DNMBP: variants seen among roughly 807,000 people sequenced by gnomAD.
DNMBP encodes the protein dynamin-binding protein.
Under a neutral mutation model 150.0 loss-of-function variants are expected in DNMBP, and 87 were observed. That is an observed-to-expected ratio of 0.58 (90% CI 0.49 to 0.69). DNMBP has a LOEUF of 0.69. DNMBP is among the 30% of genes least tolerant of loss of function. The pLI is 0.00. For synonymous variants in DNMBP, 711 were observed against 750.4 expected (o/e 0.95, Z 0.86); for missense variants, 1,774 against 1,949.0 (o/e 0.91, Z 1.69).
rs377177144 is a variant in DNMBP at position 99,943,049 on chromosome 10, GA to G, written c.2260+12164del. Among the ~76,000 whole-genome samples the G allele has an allele frequency of 7.9e-4, 120 of 152,136 alleles. 1 individual carries two copies. Among genetic ancestry groups the G allele is most frequent in the African/African-American group, 2.8e-3 (118 of 41,424 alleles). On this transcript the variant is annotated intron_variant, in intron 4 of 16. Transcript: ENST00000324109. ...TGTAATCCCAGCACTTTGGGAGGCT[GA>G]GGGGGGGGCGGATCACCTGAGGTCA...
rs747265091 is a variant in DNMBP, at chr10:99,956,059, T to G, written c.1415A>C (p.Gln472Pro). 2.5e-6 allele frequency: 4 copies of G among 1,614,210 alleles called. No individual in the cohort carries two copies. In the South Asian group the frequency reaches 3.3e-5, roughly 13 times the overall value. The stretch of plus-strand genomic sequence containing the variant: ...CCTGTAAAGAGGGAGCACTGGCTTC[T>G]GAAGAGTTTTTAGCTGGGAATACAT... The part of the protein sequence containing the change: ...KRMYSQLKTL[Q>P]KPVLPLYRGS... Residue 472 changes from glutamine to proline, a missense_variant, in exon 4 of 17, where the codon CAG becomes CCG. By Grantham distance (76) the Gln-to-Pro change is moderately conservative. This residue lies in a region of DNMBP where 1,430 missense variants were observed against 1,492.5 expected (regional missense o/e 0.96). Coordinates refer to ENST00000324109, the MANE Select transcript of DNMBP (RefSeq NM_015221.4).
intron 4 of DNMBP, chr10:99,930,529 T>A (rs1403230593): frequency 1.4e-6 from 1 of 703,002 alleles, no homozygotes; most frequent in Non-Finnish European, 2.6e-6. Flanking sequence ...CCACAGTCCA[T>A]ATAGCTTGGT....
In DNMBP at chr10:99,879,926, G is replaced by A; in HGVS notation, c.4433C>T (p.Ser1478Phe). 1 of 1,614,196 alleles carries A rather than the reference G, an allele frequency of 6.2e-7. No individual in the cohort carries two copies. ...ACTTTGCCCATTTCGTCCTGGTACG[G>A]AGTAGCCAACTATTTCTGGATGCCT... ...NFRHPEIVGY[S>F]VPGRNGQSQD... is the part of the protein sequence containing the mutation. The change falls in exon 16 of 17, where the codon TCC (serine) becomes TTC (phenylalanine). Residue 1478 changes from serine (S) to phenylalanine (F), a missense_variant. By Grantham distance (155) the Ser-to-Phe change is radical. Around this residue, in one of 2 missense-constraint regions of DNMBP, gnomAD observed 1,430 missense variants for 1,492.5 expected, o/e 0.96. Transcript: ENST00000324109.
At chr10:99,981,734 C>T (rs1235661418) in intron 1 of DNMBP, among the ~76,000 whole-genome samples, 1 of 152,182 alleles carries the variant, frequency 6.6e-6, no homozygotes, top group Non-Finnish European at 1.5e-5. Flanking sequence ...TGAACAAGGC[C>T]TCCCCCATCT....
chr10:99,992,285 A>G (rs76226230), intron 1 of DNMBP, among the ~76,000 whole-genome samples: 1,835 of 149,302 alleles, frequency 0.012, 40 homozygotes, highest in African/African-American at 0.043. Context: ...CACAGACTAT[A>G]GAGCCAGACT....
At chr10:99,970,064 C>T (rs1012830848) in intron 2 of DNMBP, among the ~76,000 whole-genome samples, 1 of 152,218 alleles carries the variant, frequency 6.6e-6, no homozygotes, top group African/African-American at 2.4e-5. Flanking sequence ...CAACCACTCA[C>T]ACCTCATGCC....
rs761776283 is a variant in DNMBP at position 99,899,939 on chromosome 10, C to G, written c.2682G>C (p.Gln894His). 2.5e-6 allele frequency: 4 copies of G among 1,614,114 alleles called. No homozygotes were observed. Among genetic ancestry groups the G allele is most frequent in the Non-Finnish European group, 3.4e-6 (4 of 1,180,026 alleles). The stretch of plus-strand genomic sequence containing the variant: ...CCTACTTCAGATCTGCCAAGGAGTC[C>G]TGAAGATGCTTCTGGATCTTCTCAT... ...EKDEKIQKHLQDSLADLKSLY... is the reference protein window; with the variant it reads ...EKDEKIQKHLHDSLADLKSLY... The change falls in exon 7 of 17, where the codon CAG becomes CAC. Residue 894 changes from glutamine (Q) to histidine (H), a missense_variant. By Grantham distance (24) the Gln-to-His change is conservative. Transcript: ENST00000324109.
At chr10:99,877,433 A>C (rs1441868789) in intron 16 of DNMBP, 97 bp from the exon 17 acceptor site, 2 of 889,318 alleles carry the variant, frequency 2.2e-6, no homozygotes, top group African/African-American at 3.4e-5. Context: ...CCACATGCCC[A>C]CATGTGGCTA....
chr10:99,919,322 A>G (rs1354919144), intron 4 of DNMBP, among the ~76,000 whole-genome samples: 1 of 152,218 alleles, frequency 6.6e-6, no homozygotes, highest in Non-Finnish European at 1.5e-5. Context: ...AATTTGCTCA[A>G]CTACATAACC....
intron 10 of DNMBP, 40 bp downstream of exon 10, chr10:99,896,227 T>C (rs1000047196): frequency 3.7e-6 from 6 of 1,606,536 alleles, no homozygotes; most frequent in Non-Finnish European, 8.5e-7. Context: ...CCTGAAAAGC[T>C]GTCAAAGATG....
At position 99,880,309 on chromosome 10, in the gene DNMBP, G is replaced by T; in HGVS notation, c.4050C>A (p.Arg1350=). 6.2e-7 allele frequency: 1 copy of T among 1,612,478 alleles called. No homozygotes were observed. Residue 1350 remains arginine, a synonymous_variant, in exon 16 of 17, where the codon CGC becomes CGA. Coordinates refer to ENST00000324109, the MANE Select transcript of DNMBP (RefSeq NM_015221.4). ...SSFLKPYNPR[R]SHSDASVGSH... is the part of the protein sequence containing the mutation. ...TACCCACGGAGGCATCGGAGTGGCT[G>T]CGGCGAGGATTGTAGGGCTTTAGGA...
chr10:99,990,421 G>A (rs1240029754), intron 1 of DNMBP, among the ~76,000 whole-genome samples: 6 of 151,768 alleles, frequency 4.0e-5, no homozygotes, highest in African/African-American at 7.3e-5. Context: ...GCATGGTGGC[G>A]TGCAACCATA....
chr10:99,877,685 G>A (rs750206938), intron 16 of DNMBP, among the ~76,000 whole-genome samples: 12 of 152,064 alleles, frequency 7.9e-5, no homozygotes, highest in Admixed American at 2.6e-4. Context: ...CCAACATGGT[G>A]AAACCCCACC....
intron 5 of DNMBP, among the ~76,000 whole-genome samples, chr10:99,908,637 C>T (rs987052027): frequency 5.9e-5 from 9 of 152,186 alleles, no homozygotes; most frequent in African/African-American, 2.2e-4. Context: ...GGTTTTGTTA[C>T]ATCATCACTC....
At chr10:99,936,567 T>G (rs1227196735) in intron 4 of DNMBP, among the ~76,000 whole-genome samples, 2 of 150,942 alleles carry the variant, frequency 1.3e-5, no homozygotes, top group African/African-American at 4.9e-5. Context: ...CAGGCCGGAG[T>G]GCAGTGGTGC....
intron 1 of DNMBP, among the ~76,000 whole-genome samples, chr10:100,006,687 C>A (rs1589458655): frequency 6.6e-6 from 1 of 152,012 alleles, no homozygotes; most frequent in East Asian, 1.9e-4. Flanking sequence ...CCACCTCCCC[C>A]CAACCCACAT....
intron 6 of DNMBP, 148 bp from the exon 7 acceptor site, chr10:99,900,214 C>T: frequency 5.1e-6 from 4 of 784,002 alleles, no homozygotes; most frequent in South Asian, 1.8e-5. Context: ...TAGTAAGAAA[C>T]TTCCATCTAA....
At chr10:99,943,692 C>T (rs556857325) in intron 4 of DNMBP, among the ~76,000 whole-genome samples, 2 of 152,200 alleles carry the variant, frequency 1.3e-5, no homozygotes, top group Non-Finnish European at 2.9e-5. Flanking sequence ...GTATGAGCCA[C>T]CATGCCCGGC....
In DNMBP at chr10:99,917,984, AAAAAAAG is replaced by A. The variant is rs1257383140; in HGVS notation, c.2261-8845_2261-8839del. 6.5e-4 allele frequency among the ~76,000 whole-genome samples: 94 copies of A among 144,490 alleles called. 3 individuals are homozygous for A. The highest frequency in any genetic ancestry group is 3.5e-3 in the Middle Eastern group (1 of 284). 94.8% of individuals were successfully genotyped at this position (144,490 alleles called of 152,430 possible). A position where few individuals can be genotyped will look rare whatever the true frequency, so the allele number is the denominator to read the frequency against. On this transcript the variant is annotated intron_variant, in intron 4 of 16. Coordinates refer to ENST00000324109, the MANE Select transcript of DNMBP (RefSeq NM_015221.4). ...ACTCTGTCTCAAAAAAAAAAAAAAA[AAAAAAAG>A]AAAAGAAAGGAAAACATTGTTGAAA...
Sources: gnomAD v4.1 joint callset for allele counts (sites outside exome capture counted in the v4.1 genomes callset) on GRCh38, gnomAD v4.1.1 for gene constraint, gnomAD v4.1.1 regional missense constraint, MANE v1.5 for transcripts, NCBI Gene and HGNC (gene_info 2026-07-23, HGNC 2026-07-21) for gene names.